CLEC19A: variants seen among roughly 807,000 people sequenced by gnomAD.
The protein encoded by CLEC19A is C-type lectin domain family 19 member A.
A neutral mutation model predicts 26.1 loss-of-function variants in CLEC19A; 21 were observed. The observed-to-expected ratio is 0.80, with a 90% CI of 0.57 to 1.16. CLEC19A has a LOEUF of 1.16. Among genes scored for constraint, CLEC19A ranks in the 50% most tolerant of loss-of-function variants. CLEC19A has a pLI of 0.00. For missense variants in CLEC19A, 224 were observed against 227.6 expected (o/e 0.98, Z 0.10); for synonymous variants, 89 against 88.6 (o/e 1.00, Z -0.03).
chr16:19,300,041 T>C (rs1180470832), intron 2 of CLEC19A, among the ~76,000 whole-genome samples: 1 of 151,908 alleles, frequency 6.6e-6, no homozygotes, highest in African/African-American at 2.4e-5. Context: ...CTGGCTAACA[T>C]GGCGAAACCC....
At chr16:19,288,141 A>C (rs1597077814) in intron 1 of CLEC19A, among the ~76,000 whole-genome samples, 1 of 152,340 alleles carries the variant, frequency 6.6e-6, no homozygotes, top group Admixed American at 6.5e-5. Context: ...TGAGCCAACC[A>C]TGGTCATCAC....
chr16:19,286,019 G>A lies in CLEC19A; in HGVS notation c.88+80G>A, dbSNP rs185574128. 1,134 of 1,396,672 alleles carry A rather than the reference G, an allele frequency of 8.1e-4. 9 individuals carry two copies. The African/African-American group carries it at 0.014, about 18-fold the overall frequency. The allele number at this position is 1,396,672 out of a possible 1,614,324, so 86.5% of individuals were successfully genotyped here. A position where few individuals can be genotyped will look rare whatever the true frequency, so the allele number is the denominator to read the frequency against. On this transcript the variant is annotated intron_variant, in intron 1 of 4. Transcript: ENST00000636231. ...CTTATTCTATCGGTGAGGCCTGGCA[G>A]CTTCTGTTGGGGGGTTGGGGTGGCC...
intron 2 of CLEC19A, chr16:19,303,800 T>G (rs1255756464): frequency 2.7e-6 from 1 of 366,372 alleles, no homozygotes; most frequent in African/African-American, 2.0e-5. Flanking sequence ...CCTCATTTGC[T>G]AGTGTTTTTG....
chr16:19,291,554 A>G (rs946021069), intron 1 of CLEC19A, among the ~76,000 whole-genome samples: 2 of 152,218 alleles, frequency 1.3e-5, no homozygotes, highest in Non-Finnish European at 2.9e-5. Flanking sequence ...AATGCCTGGC[A>G]CACAGTGAAT....
At chr16:19,300,677 T>G (rs1897801556) in intron 2 of CLEC19A, among the ~76,000 whole-genome samples, 1 of 152,168 alleles carries the variant, frequency 6.6e-6, no homozygotes, top group South Asian at 2.1e-4. Flanking sequence ...AGGGATATAT[T>G]GAGACAGTCA....
chr16:19,297,835 A>G (rs1897736493), intron 1 of CLEC19A, among the ~76,000 whole-genome samples: 1 of 152,206 alleles, frequency 6.6e-6, no homozygotes, highest in African/African-American at 2.4e-5. Context: ...CAGGTGTTCT[A>G]TGATGTGCAC....
chr16:19,292,659 A>C (rs141567280), intron 1 of CLEC19A, among the ~76,000 whole-genome samples: 1 of 152,218 alleles, frequency 6.6e-6, no homozygotes, highest in African/African-American at 2.4e-5. Flanking sequence ...GTTGAGGTGC[A>C]AGGGGCTCTA....
chr16:19,300,002 T>C (rs1897784614), intron 2 of CLEC19A, among the ~76,000 whole-genome samples: 1 of 152,080 alleles, frequency 6.6e-6, no homozygotes, highest in African/African-American at 2.4e-5. Flanking sequence ...GGCAGGCAGA[T>C]CACCTGAGGT....
At chr16:19,303,399 T>G (rs1287802916) in intron 2 of CLEC19A, among the ~76,000 whole-genome samples, 1 of 152,186 alleles carries the variant, frequency 6.6e-6, no homozygotes, top group African/African-American at 2.4e-5. Context: ...CTTTGTTGTT[T>G]TTGGGAGTGG....
chr16:19,285,971 G>T, intron 1 of CLEC19A, 32 bp downstream of exon 1: 1 of 1,539,422 alleles, frequency 6.5e-7, no homozygotes, highest in Non-Finnish European at 8.8e-7. Flanking sequence ...GGGAGCAGGT[G>T]GAGAGGAGTA....
chr16:19,301,970 A>G (rs1037789620), intron 2 of CLEC19A, among the ~76,000 whole-genome samples: 3 of 151,880 alleles, frequency 2.0e-5, no homozygotes, highest in African/African-American at 7.3e-5. Context: ...GGATAACTCC[A>G]TGCCCAGCAG....
At chr16:19,298,113 G>A (rs1393967959) in intron 1 of CLEC19A, among the ~76,000 whole-genome samples, 3 of 152,000 alleles carry the variant, frequency 2.0e-5, no homozygotes, top group Middle Eastern at 3.4e-3. Flanking sequence ...AACCGGGCAC[G>A]TGCCTGTTAT....
intron 3 of CLEC19A, among the ~76,000 whole-genome samples, chr16:19,306,271 T>C (rs1183520599): frequency 1.3e-5 from 2 of 151,768 alleles, no homozygotes; most frequent in African/African-American, 2.4e-5. Context: ...CTAGGCTCCA[T>C]AGTAGCTAGT....
At chr16:19,289,457 A>G (rs1897536393) in intron 1 of CLEC19A, among the ~76,000 whole-genome samples, 1 of 152,330 alleles carries the variant, frequency 6.6e-6, no homozygotes, top group Admixed American at 6.5e-5. Flanking sequence ...GAAAGAAGAT[A>G]TCTTTTAGAG....
intron 2 of CLEC19A, 104 bp from the exon 3 acceptor site, chr16:19,303,958 T>C: frequency 1.1e-6 from 1 of 907,348 alleles, no homozygotes; most frequent in South Asian, 1.7e-5. Context: ...TATCCTCTAT[T>C]TACTTTGGTC....
chr16:19,294,252 A>C (rs1484119633), intron 1 of CLEC19A, among the ~76,000 whole-genome samples: 1 of 152,226 alleles, frequency 6.6e-6, no homozygotes, highest in African/African-American at 2.4e-5. Flanking sequence ...ACCGCCGTGC[A>C]GAAAGGTCAC....
At chr16:19,303,705 G>A (rs971449471) in intron 2 of CLEC19A, among the ~76,000 whole-genome samples, 2 of 152,084 alleles carry the variant, frequency 1.3e-5, no homozygotes, top group Non-Finnish European at 2.9e-5. Context: ...AATGACTAGT[G>A]GAAATTTTCA....
chr16:19,293,798 T>G (rs1897644178), intron 1 of CLEC19A, among the ~76,000 whole-genome samples: 1 of 152,202 alleles, frequency 6.6e-6, no homozygotes, highest in Non-Finnish European at 1.5e-5. Flanking sequence ...TATATATTTA[T>G]GGGGTACATG....
chr16:19,285,947 C>T lies in CLEC19A; in HGVS notation c.88+8C>T. 1 of 1,550,052 alleles carries T rather than the reference C, an allele frequency of 6.5e-7. No homozygotes were observed. The highest frequency in any genetic ancestry group is 8.7e-7 in the Non-Finnish European group (1 of 1,146,578). On this transcript the variant is annotated splice_region_variant and intron_variant, in intron 1 of 4. Transcript: ENST00000636231. ...ACATCAGTATCAGTCCAGGTAAGTG[C>T]AGGGACCAGGGCTGGGAGCAGGTGG...
Sources: allele counts gnomAD v4.1 joint callset (sites outside exome capture counted in the v4.1 genomes callset), GRCh38; gene constraint gnomAD v4.1.1; transcripts MANE v1.5; gene names NCBI Gene and HGNC (gene_info 2026-07-23, HGNC 2026-07-21).